Variants in PATJ observed in about 807,000 individuals in gnomAD.
PATJ encodes PATJ crumbs cell polarity complex component.
Under a neutral mutation model 224.9 loss-of-function variants are expected in PATJ, and 190 were observed. The observed-to-expected ratio is 0.84, with a 90% CI of 0.75 to 0.95. The LOEUF is 0.95. Ranked by LOEUF, PATJ falls within the 40% of genes least tolerant of loss-of-function variation. The pLI is 0.00. For missense variants in PATJ, 2,121 were observed against 2,270.3 expected, an observed-to-expected ratio of 0.93 and a Z score of 1.34; for synonymous variants, 769 against 820.3, an observed-to-expected ratio of 0.94 and a Z score of 1.07.
chr1:62,110,419 C>T (rs77607872), intron 34 of PATJ, among the ~76,000 whole-genome samples: 2,751 of 152,294 alleles, frequency 0.018, 87 homozygotes, highest in African/African-American at 0.062. Flanking sequence ...TCAGCACTTT[C>T]CCAAACAATG....
intron 29 of PATJ, among the ~76,000 whole-genome samples, chr1:62,034,235 G>A (rs1483353301): frequency 6.6e-6 from 1 of 152,010 alleles, no homozygotes; most frequent in African/African-American, 2.4e-5. Context: ...TTGAGGCCAG[G>A]ACCTCAAGAC....
intron 31 of PATJ, among the ~76,000 whole-genome samples, chr1:62,057,093 G>T (rs915901187): frequency 6.6e-6 from 1 of 152,152 alleles, no homozygotes; most frequent in Non-Finnish European, 1.5e-5. Flanking sequence ...CTCCTAAAGT[G>T]CTGAGATTAC....
At chr1:61,879,853 T>A (rs1218538691) in intron 21 of PATJ, among the ~76,000 whole-genome samples, 2 of 151,800 alleles carry the variant, frequency 1.3e-5, no homozygotes, top group African/African-American at 4.8e-5. Flanking sequence ...TTTCTTTTTC[T>A]TTTTAGATAG....
chr1:61,752,273 C>T (rs1645377657), intron 1 of PATJ, among the ~76,000 whole-genome samples: 2 of 149,660 alleles, frequency 1.3e-5, no homozygotes, highest in South Asian at 4.2e-4. Flanking sequence ...CATGAGTTAA[C>T]TGAATTATTC....
intron 21 of PATJ, 55 bp downstream of exon 21, chr1:61,875,421 G>C: frequency 6.9e-7 from 1 of 1,449,166 alleles, no homozygotes; most frequent in South Asian, 1.3e-5. Flanking sequence ...CAAGCTTTCA[G>C]TTTTATGTTT....
intron 28 of PATJ, among the ~76,000 whole-genome samples, chr1:61,994,884 C>A (rs553720510): frequency 1.9e-4 from 29 of 152,122 alleles, no homozygotes; most frequent in Non-Finnish European, 3.8e-4. Flanking sequence ...ATTTATAACC[C>A]ATCTTCTCAT....
chr1:61,880,452 G>A (rs1418272612), intron 21 of PATJ, among the ~76,000 whole-genome samples: 2 of 152,236 alleles, frequency 1.3e-5, no homozygotes, highest in South Asian at 2.1e-4. Flanking sequence ...AAATACTTAA[G>A]GTTTTGTGTC....
chr1:62,091,741 A>AC (rs1171697294), intron 33 of PATJ, among the ~76,000 whole-genome samples: 4 of 151,592 alleles, frequency 2.6e-5, no homozygotes, highest in African/African-American at 9.7e-5. Flanking sequence ...ACATAGTGAG[A>AC]CCCCATCTCT....
chr1:62,036,295 G>A (rs1018390180), intron 29 of PATJ, among the ~76,000 whole-genome samples: 6 of 152,168 alleles, frequency 3.9e-5, no homozygotes, highest in Non-Finnish European at 8.8e-5. Flanking sequence ...GAAAGAAGTG[G>A]AAAGATCCAA....
At chr1:62,076,208 TAATC>T (rs1326678660) in intron 31 of PATJ, among the ~76,000 whole-genome samples, 1 of 152,080 alleles carries the variant, frequency 6.6e-6, no homozygotes, top group Non-Finnish European at 1.5e-5. Context: ...GATTAAGTCT[TAATC>T]AATAAGTCTC....
At chr1:62,042,015 T>A (rs950030131) in intron 30 of PATJ, among the ~76,000 whole-genome samples, 1 of 151,462 alleles carries the variant, frequency 6.6e-6, no homozygotes, top group South Asian at 2.1e-4. Context: ...AAATAAATAA[T>A]AATAATAAGA....
chr1:62,035,513 G>A (rs1650210351), intron 29 of PATJ, among the ~76,000 whole-genome samples: 1 of 152,130 alleles, frequency 6.6e-6, no homozygotes, highest in African/African-American at 2.4e-5. Flanking sequence ...AAGTCACTCT[G>A]TTAGTTAGCG....
At chr1:61,755,958 C>T (rs1645616160) in intron 1 of PATJ, among the ~76,000 whole-genome samples, 2 of 152,226 alleles carry the variant, frequency 1.3e-5, no homozygotes, top group Non-Finnish European at 2.9e-5. Context: ...CCTGCCACCA[C>T]ACCAAGCTAA....
intron 28 of PATJ, among the ~76,000 whole-genome samples, chr1:61,993,666 C>T (rs1055403421): frequency 2.6e-5 from 4 of 151,984 alleles, no homozygotes; most frequent in Admixed American, 6.6e-5. Context: ...AGAGATGTAC[C>T]TAACACCTAG....
At chr1:61,914,196 C>T (rs1673089621) in intron 25 of PATJ, among the ~76,000 whole-genome samples, 1 of 152,212 alleles carries the variant, frequency 6.6e-6, no homozygotes. Context: ...TGGCTCACGC[C>T]TGTAATCCCA....
At chr1:61,857,856 AT>A (rs1455500567) in intron 18 of PATJ, among the ~76,000 whole-genome samples, 6 of 152,214 alleles carry the variant, frequency 3.9e-5, no homozygotes, top group East Asian at 1.9e-4. Context: ...CTCTAAGCCT[AT>A]TTTTTTCATC....
intron 27 of PATJ, among the ~76,000 whole-genome samples, chr1:61,951,692 G>C (rs936793919): frequency 6.6e-6 from 1 of 151,882 alleles, no homozygotes; most frequent in Admixed American, 6.6e-5. Context: ...TGCTTAAATA[G>C]AATCTTTACT....
intron 18 of PATJ, among the ~76,000 whole-genome samples, chr1:61,856,553 C>A (rs2148911414): frequency 6.6e-6 from 1 of 152,296 alleles, no homozygotes; most frequent in African/African-American, 2.4e-5. Flanking sequence ...TTAGCACAGA[C>A]TTCTAAGCTC....
intron 27 of PATJ, among the ~76,000 whole-genome samples, chr1:61,929,608 T>C (rs1675718050): frequency 6.6e-6 from 1 of 152,222 alleles, no homozygotes; most frequent in Non-Finnish European, 1.5e-5. Context: ...AATTAAAGAA[T>C]GTGTCCAAAG....
Sources: allele counts gnomAD v4.1 joint callset (sites outside exome capture counted in the v4.1 genomes callset), GRCh38; gene constraint gnomAD v4.1.1; transcripts MANE v1.5; gene names NCBI Gene and HGNC (gene_info 2026-07-23, HGNC 2026-07-21).